CAMK1D: variants seen among roughly 807,000 people sequenced by gnomAD.
CAMK1D encodes the protein calcium/calmodulin-dependent protein kinase type 1D.
Under a neutral mutation model 47.7 loss-of-function variants are expected in CAMK1D, and 9 were observed. The ratio of observed to expected loss-of-function variants is 0.19; its 90% confidence interval spans 0.11 to 0.33. The LOEUF is 0.33. CAMK1D is among the 10% of genes least tolerant of loss of function. The pLI, the probability that CAMK1D is intolerant of heterozygous loss-of-function variation, is 1.00. For synonymous variants in CAMK1D, 184 were observed against 184.9 expected (o/e 0.99, Z 0.04); for missense variants, 291 against 488.7 (o/e 0.60, Z 3.81).
chr10:12,629,115 C>G, intron 2 of CAMK1D, among the ~76,000 whole-genome samples: 1 of 152,280 alleles, frequency 6.6e-6, no homozygotes, highest in Middle Eastern at 3.4e-3. Context: ...TGCCAGCATT[C>G]TGGGAGCTGA....
At chr10:12,790,178 G>A (rs1837916501) in intron 5 of CAMK1D, among the ~76,000 whole-genome samples, 1 of 152,274 alleles carries the variant, frequency 6.6e-6, no homozygotes, top group South Asian at 2.1e-4. Flanking sequence ...GATGAAGAGT[G>A]CTTTAGAACC....
At chr10:12,787,118 T>A (rs1837758695) in intron 5 of CAMK1D, among the ~76,000 whole-genome samples, 1 of 124,178 alleles carries the variant, frequency 8.1e-6, no homozygotes, top group African/African-American at 3.1e-5. Context: ...ATGAGATTCC[T>A]TCTCAAAGAA....
rs964780499 is a variant in CAMK1D at position 12,395,789 on chromosome 10, T to A, written c.92+45879T>A. On this transcript the variant is annotated intron_variant, in intron 1 of 10. Transcript: ENST00000619168. ...GAAAAATACAAAAATTAGCCGGGCA[T>A]GGTGGTGCGTGCCGGTAGTTCCAGC... Among the ~76,000 whole-genome samples, 3 of 151,548 alleles carry A rather than the reference T, an allele frequency of 2.0e-5. 1 individual carries two copies. Among genetic ancestry groups the A allele is most frequent in the Admixed American group, 1.3e-4 (2 of 15,250 alleles).
intron 1 of CAMK1D, among the ~76,000 whole-genome samples, chr10:12,543,436 C>A (rs983512585): frequency 6.6e-6 from 1 of 152,148 alleles, no homozygotes; most frequent in Non-Finnish European, 1.5e-5. Context: ...GAAACAGATT[C>A]TCATTTCCAT....
At chr10:12,791,476 C>G (rs1324163103) in intron 6 of CAMK1D, among the ~76,000 whole-genome samples, 1 of 152,140 alleles carries the variant, frequency 6.6e-6, no homozygotes, top group African/African-American at 2.4e-5. Flanking sequence ...CATAAAAACT[C>G]CTTTTCCCTT....
At chr10:12,386,472 CAAAAA>C (rs201680749) in intron 1 of CAMK1D, among the ~76,000 whole-genome samples, 1 of 126,410 alleles carries the variant, frequency 7.9e-6, no homozygotes, top group Non-Finnish European at 1.7e-5. Flanking sequence ...AACCCTGTCT[CAAAAA>C]AAAAAAAAAT....
chr10:12,366,921 A>G (rs1255844308), intron 1 of CAMK1D, among the ~76,000 whole-genome samples: 2 of 152,142 alleles, frequency 1.3e-5, no homozygotes, highest in African/African-American at 4.8e-5. Flanking sequence ...AGTGGGTGTC[A>G]GACTTGAAGT....
At chr10:12,815,904 A>G (rs1032459461) in intron 7 of CAMK1D, among the ~76,000 whole-genome samples, 4 of 152,248 alleles carry the variant, frequency 2.6e-5, no homozygotes, top group Admixed American at 1.3e-4. Context: ...TCACCAAAAC[A>G]GTTCTCTAAG....
At chr10:12,609,339 C>G (rs1052731012) in intron 2 of CAMK1D, among the ~76,000 whole-genome samples, 5 of 152,080 alleles carry the variant, frequency 3.3e-5, no homozygotes, top group Non-Finnish European at 5.9e-5. Context: ...TCCATGGAGA[C>G]GGGGTGGGGG....
At chr10:12,701,239 A>T (rs1311896046) in intron 3 of CAMK1D, among the ~76,000 whole-genome samples, 1 of 151,964 alleles carries the variant, frequency 6.6e-6, no homozygotes, top group Non-Finnish European at 1.5e-5. Flanking sequence ...CAGTCTCCCG[A>T]GTAGCTGGGA....
rs771028416 is a variant in CAMK1D at position 12,828,367 on chromosome 10, G to A, written c.1040-402G>A. ...AAATTTGGGTCCCCGCAAGTTGGGC[G>A]CGGTGGCTCACACCCGTAATCCCAG... is the stretch of plus-strand genomic sequence containing the variant. On this transcript the variant is annotated intron_variant, in intron 10 of 10. Transcript: ENST00000619168. 7.2e-4 allele frequency among the ~76,000 whole-genome samples: 51 copies of A among 70,958 alleles called. No homozygotes were observed. The East Asian group carries it at 7.2e-3, about 10-fold the overall frequency. 46.6% of individuals were successfully genotyped at this position (70,958 alleles called of 152,430 possible).
At chr10:12,471,153 A>G (rs1833734825) in intron 1 of CAMK1D, among the ~76,000 whole-genome samples, 2 of 152,074 alleles carry the variant, frequency 1.3e-5, no homozygotes, top group Non-Finnish European at 1.5e-5. Flanking sequence ...AGTGGCCACT[A>G]CTGGTGACTG....
At chr10:12,714,714 A>C (rs11257952) in intron 3 of CAMK1D, among the ~76,000 whole-genome samples, 55,367 of 151,026 alleles carry the variant, frequency 0.37, 11,404 homozygotes, top group Middle Eastern at 0.5. Context: ...GCAAGACTCC[A>C]ACTCAAAAAA....
intron 1 of CAMK1D, among the ~76,000 whole-genome samples, chr10:12,472,796 A>G (rs1833786956): frequency 6.6e-6 from 1 of 152,182 alleles, no homozygotes; most frequent in African/African-American, 2.4e-5. Flanking sequence ...TGCTGGGATT[A>G]CAGGCGTGAG....
At chr10:12,546,457 C>T (rs1836375123) in intron 1 of CAMK1D, among the ~76,000 whole-genome samples, 1 of 152,082 alleles carries the variant, frequency 6.6e-6, no homozygotes, top group African/African-American at 2.4e-5. Flanking sequence ...AACTGTTTCA[C>T]TTTGGTTATG....
chr10:12,623,062 TC>T (rs1839051301), intron 2 of CAMK1D, among the ~76,000 whole-genome samples: 1 of 64,652 alleles, frequency 1.5e-5, no homozygotes, highest in Non-Finnish European at 3.1e-5. Context: ...CCTCCCTCCC[TC>T]CCTTCCTCCC....
intron 1 of CAMK1D, among the ~76,000 whole-genome samples, chr10:12,432,630 G>A (rs558665186): frequency 6.6e-5 from 10 of 152,350 alleles, no homozygotes; most frequent in African/African-American, 2.2e-4. Context: ...ATGAGTTAAT[G>A]TGTGAATGAA....
intron 2 of CAMK1D, among the ~76,000 whole-genome samples, chr10:12,625,039 C>T (rs910098794): frequency 2.0e-5 from 3 of 151,172 alleles, no homozygotes; most frequent in East Asian, 2.0e-4. Context: ...CTTCTTCTTT[C>T]GAAACAGAGT....
At chr10:12,632,110 C>T (rs570322703) in intron 2 of CAMK1D, among the ~76,000 whole-genome samples, 3 of 152,378 alleles carry the variant, frequency 2.0e-5, no homozygotes, top group Middle Eastern at 6.8e-3. Flanking sequence ...ACCTAACCAA[C>T]GTCTCATTCA....
Sources: gnomAD v4.1 joint callset for allele counts (sites outside exome capture counted in the v4.1 genomes callset) on GRCh38, gnomAD v4.1.1 for gene constraint, MANE v1.5 for transcripts, NCBI Gene and HGNC (gene_info 2026-07-23, HGNC 2026-07-21) for gene names.